The following ATP8A2 variants were observed in gnomAD, a reference collection of about 807,000 sequenced individuals.
The protein encoded by ATP8A2 is ATPase phospholipid transporting 8A2.
A neutral mutation model predicts 165.6 loss-of-function variants in ATP8A2; 100 were observed. The ratio of observed to expected loss-of-function variants is 0.60; its 90% CI spans 0.51 to 0.71. ATP8A2 has a LOEUF of 0.71. ATP8A2 is among the 30% of genes least tolerant of loss of function. The pLI, the probability that ATP8A2 is intolerant of heterozygous loss-of-function variation, is 0.00. For missense variants in ATP8A2, 1,227 were observed against 1,479.5 expected (o/e 0.83, Z 2.80); for synonymous variants, 543 against 548.8 (o/e 0.99, Z 0.15).
chr13:25,918,901 T>C (rs1469929926), intron 33 of ATP8A2, among the ~76,000 whole-genome samples: 1 of 152,188 alleles, frequency 6.6e-6, no homozygotes, highest in Non-Finnish European at 1.5e-5. Context: ...GGGTGCAAAT[T>C]GCACCCTGGG....
At chr13:25,979,043 G>A (rs531260312) in intron 35 of ATP8A2, among the ~76,000 whole-genome samples, 2 of 151,194 alleles carry the variant, frequency 1.3e-5, no homozygotes, top group African/African-American at 4.8e-5. Flanking sequence ...CCCCTGACGT[G>A]GTCTCTGTCA....
chr13:25,751,116 A>G (rs902378383), intron 25 of ATP8A2, among the ~76,000 whole-genome samples: 2 of 152,220 alleles, frequency 1.3e-5, no homozygotes, highest in East Asian at 1.9e-4. Flanking sequence ...TTCTCCTACA[A>G]GGAGATTCTC....
intron 27 of ATP8A2, among the ~76,000 whole-genome samples, chr13:25,797,021 A>G (rs1376635371): frequency 2.0e-5 from 3 of 152,088 alleles, no homozygotes; most frequent in African/African-American, 7.2e-5. Flanking sequence ...TAATCCCAAC[A>G]CTTTGGGAGG....
intron 10 of ATP8A2, among the ~76,000 whole-genome samples, chr13:25,544,267 G>A (rs1278003151): frequency 6.6e-6 from 1 of 152,250 alleles, no homozygotes. Context: ...ATTACTAAGT[G>A]CTGTCAGTGT....
chr13:25,419,558 TG>T (rs1490287243), intron 1 of ATP8A2, among the ~76,000 whole-genome samples: 1 of 152,320 alleles, frequency 6.6e-6, no homozygotes, highest in African/African-American at 2.4e-5. Context: ...ACTTACTCAC[TG>T]GGCAGCTGGA....
At chr13:25,679,995 A>G (rs2042451112) in intron 24 of ATP8A2, among the ~76,000 whole-genome samples, 1 of 152,188 alleles carries the variant, frequency 6.6e-6, no homozygotes, top group Non-Finnish European at 1.5e-5. Context: ...CTTCTAGAAC[A>G]AAACACTTTT....
At chr13:25,425,596 A>G (rs1287708436) in intron 1 of ATP8A2, among the ~76,000 whole-genome samples, 4 of 141,068 alleles carry the variant, frequency 2.8e-5, no homozygotes, top group Non-Finnish European at 6.2e-5. Context: ...TTTTTTTGAG[A>G]TGGAGTCTTG....
chr13:25,999,706 G>A (rs1039002839), intron 35 of ATP8A2, among the ~76,000 whole-genome samples: 3 of 152,132 alleles, frequency 2.0e-5, no homozygotes, highest in South Asian at 4.1e-4. Context: ...CCAACATTGG[G>A]TCTCACACAC....
intron 25 of ATP8A2, among the ~76,000 whole-genome samples, chr13:25,756,379 T>G (rs2044262860): frequency 6.9e-6 from 1 of 145,460 alleles, no homozygotes; most frequent in Admixed American, 7.3e-5. Context: ...CAGGCTGGAG[T>G]GAAGTGGTGT....
intron 27 of ATP8A2, among the ~76,000 whole-genome samples, chr13:25,782,736 T>C (rs1015658119): frequency 3.9e-5 from 6 of 152,184 alleles, no homozygotes; most frequent in Admixed American, 3.9e-4. Context: ...ATCAGTTTTG[T>C]TTTGTTTTGT....
chr13:25,898,773 C>A (rs1036971218), intron 33 of ATP8A2, among the ~76,000 whole-genome samples: 1 of 152,206 alleles, frequency 6.6e-6, no homozygotes, highest in African/African-American at 2.4e-5. Flanking sequence ...GCAGTTTGAT[C>A]TCAGACTACT....
At chr13:25,686,198 T>C (rs2042597553) in intron 24 of ATP8A2, among the ~76,000 whole-genome samples, 1 of 152,140 alleles carries the variant, frequency 6.6e-6, no homozygotes, top group African/African-American at 2.4e-5. Context: ...GGGCATGCTA[T>C]ATTTGGGATG....
At chr13:25,966,242 T>C (rs1955774261) in intron 34 of ATP8A2, among the ~76,000 whole-genome samples, 1 of 152,148 alleles carries the variant, frequency 6.6e-6, no homozygotes, top group South Asian at 2.1e-4. Flanking sequence ...CCTGGACCAC[T>C]GGGCAATAAG....
chr13:25,925,597 T>C (rs751664767), intron 33 of ATP8A2, among the ~76,000 whole-genome samples: 1 of 151,628 alleles, frequency 6.6e-6, no homozygotes, highest in African/African-American at 2.4e-5. Flanking sequence ...AACTAGTTGC[T>C]GAGAATGTAA....
At chr13:25,681,157 G>T (rs2042479167) in intron 24 of ATP8A2, among the ~76,000 whole-genome samples, 3 of 152,150 alleles carry the variant, frequency 2.0e-5, no homozygotes, top group Non-Finnish European at 4.4e-5. Flanking sequence ...AGAAAGCAAA[G>T]AAAAATCTGG....
chr13:26,012,649 G>A (rs1320107618), intron 36 of ATP8A2, 27 bp downstream of exon 36: 1 of 1,436,724 alleles, frequency 7.0e-7, no homozygotes, highest in Admixed American at 3.1e-5. Context: ...GGGGCTGATG[G>A]AGGAGTGGGT....
intron 33 of ATP8A2, among the ~76,000 whole-genome samples, chr13:25,905,760 GT>G (rs139014222): frequency 0.03 from 4,602 of 152,290 alleles, 124 homozygotes; most frequent in Non-Finnish European, 0.046. Context: ...CAGGGCGTTG[GT>G]TCCTGTGATT....
chr13:25,479,476 G>A (rs906148870), intron 2 of ATP8A2, among the ~76,000 whole-genome samples: 7 of 152,068 alleles, frequency 4.6e-5, no homozygotes, highest in South Asian at 4.2e-4. Flanking sequence ...TTGTGGTTTT[G>A]TTGTATGATT....
chr13:25,939,886 GC>G (rs1955021987), intron 33 of ATP8A2, among the ~76,000 whole-genome samples: 1 of 152,144 alleles, frequency 6.6e-6, no homozygotes, highest in Non-Finnish European at 1.5e-5. Flanking sequence ...TTCCAGTGGG[GC>G]TCCAAAACCA....
Sources: allele counts gnomAD v4.1 joint callset (sites outside exome capture counted in the v4.1 genomes callset), GRCh38; gene constraint gnomAD v4.1.1; transcripts MANE v1.5; gene names NCBI Gene and HGNC (gene_info 2026-07-23, HGNC 2026-07-21).